Variants in GPN1 observed in about 807,000 individuals in gnomAD.
The protein encoded by GPN1 is GPN-loop GTPase 1.
In GPN1, 44 loss-of-function variants were observed where a neutral mutation model predicts 55.9. The observed-to-expected ratio is 0.79, with a 90% CI of 0.62 to 1.01. The LOEUF is 1.01. Among genes scored for constraint, GPN1 ranks in the 50% least tolerant of loss-of-function variants. The probability of loss-of-function intolerance (pLI) is 0.00; values close to 1 mark genes in which losing one functional copy is unlikely to be tolerated. For synonymous variants in GPN1, 179 were observed against 162.5 expected, an observed-to-expected ratio of 1.10 and a Z score of -0.77; for missense variants, 466 against 462.8, an observed-to-expected ratio of 1.01 and a Z score of -0.06.
chr2:27,638,376 C>A, intron 8 of GPN1, 121 bp downstream of exon 8: 1 of 625,724 alleles, frequency 1.6e-6, no homozygotes, highest in South Asian at 1.9e-5. Context: ...TTTACTGAAA[C>A]AAATTCATAG....
At chr2:27,628,593 C>T (rs60394995), upstream of GPN1, 4,235 of 1,551,564 alleles carry the variant, frequency 2.7e-3, 102 homozygotes, top group African/African-American at 0.051. Flanking sequence ...GGAGACTGCA[C>T]CCTGCTCCAG....
chr2:27,636,259 A>G lies in GPN1; in HGVS notation c.524+1025A>G, dbSNP rs116514454. Among the ~76,000 whole-genome samples, 513 of 152,320 alleles carry G rather than the reference A, an allele frequency of 3.4e-3. 1 individual carries two copies. The highest frequency in any genetic ancestry group is 0.012 in the African/African-American group (488 of 41,574). ...GGTTTGCCCCAAATGTGGCACCATT[A>G]GCAGAGGAAGGGCATGCCTCACTAG... On this transcript the variant is annotated intron_variant, in intron 7 of 13. Transcript: ENST00000610189.
rs2148063014 is a variant in GPN1 at position 27,631,035 on chromosome 2, G to T, written c.214G>T (p.Asp72Tyr). The T allele has an allele frequency of 7.4e-7, 1 of 1,355,000 alleles. No individual in the cohort carries two copies. The highest frequency in any genetic ancestry group is 1.1e-6 in the Non-Finnish European group (1 of 946,262). 83.9% of individuals were successfully genotyped at this position (1,355,000 alleles called of 1,614,324 possible). A position where few individuals can be genotyped will look rare whatever the true frequency, so the allele number is the denominator to read the frequency against. ...VPFPANIDIR[D>Y]TVKYKEVMKQ... The stretch of plus-strand genomic sequence containing the variant: ...CTTTTTTTTCTCCTCAGATATTCGT[G>T]ATACTGTAAAGTATAAAGAAGTAAT... Residue 72 changes from aspartate (D) to tyrosine (Y), a missense_variant, in exon 3 of 14, where the codon GAT (aspartate) becomes TAT (tyrosine). Coordinates refer to ENST00000610189, the MANE Select transcript of GPN1 (RefSeq NM_007266.4).
intron 2 of GPN1, 47 bp from the exon 3 acceptor site, chr2:27,630,980 G>T (rs1384024680): frequency 1.1e-6 from 1 of 889,242 alleles, no homozygotes; most frequent in South Asian, 1.4e-5. Flanking sequence ...TGGTGGTAGG[G>T]AATGTGTATG....
rs767128580 is a variant in GPN1, at chr2:27,642,468, C to T, written c.880C>T (p.Arg294Cys). The T allele has an allele frequency of 1.8e-5, 29 of 1,613,258 alleles. No homozygotes were observed. The highest frequency in any genetic ancestry group is 1.3e-4 in the Admixed American group (8 of 59,976). ...CCAACAGCAGAGAGAACAACTGGAACGCCTTCGAAAAGATATGGGTTCTGT... is the reference window on the plus strand; with the variant it reads ...CCAACAGCAGAGAGAACAACTGGAATGCCTTCGAAAAGATATGGGTTCTGT... ...ESQQQREQLERLRKDMGSVAL... is the reference protein window; with the variant it reads ...ESQQQREQLECLRKDMGSVAL... The change falls in exon 12 of 14, where the codon CGC (arginine) becomes TGC (cysteine). Residue 294 changes from arginine to cysteine, a missense_variant. Transcript: ENST00000610189.
At chr2:27,649,343 G>A (rs1021182287) in intron 13 of GPN1, among the ~76,000 whole-genome samples, 2 of 151,792 alleles carry the variant, frequency 1.3e-5, no homozygotes, top group African/African-American at 4.8e-5. Context: ...TCTTTAGGCT[G>A]GGTTTTACAT....
In GPN1 at chr2:27,650,116, TAC is replaced by T; in HGVS notation, c.1043_1044del (p.Thr348ArgfsTer5). ...AGAATTGCCCTTTTTTCCTTGCAGT[TAC>T]AGAGGAAAGCCATGAAGAGCCAGCA... ...SDTDDIDHRV[T>X]EESHEEPAFQ... is the part of the protein sequence containing the mutation. On this transcript the variant is annotated frameshift_variant and splice_region_variant, in exon 14 of 14. Coordinates refer to ENST00000610189, the MANE Select transcript of GPN1 (RefSeq NM_007266.4). LOFTEE classifies it high-confidence loss of function. 1 of 1,578,530 alleles carries T rather than the reference TAC, an allele frequency of 6.3e-7. No individual in the cohort carries two copies. The highest frequency in any genetic ancestry group is 8.7e-7 in the Non-Finnish European group (1 of 1,147,712).
intron 7 of GPN1, among the ~76,000 whole-genome samples, 200 bp from the exon 8 acceptor site, chr2:27,638,008 CAA>C (rs370370715): frequency 1.5e-4 from 23 of 152,108 alleles, no homozygotes; most frequent in African/African-American, 4.1e-4. Flanking sequence ...TTACTTCAAA[CAA>C]GAGTGAGAGT....
chr2:27,650,274 C>T lies in GPN1; in HGVS notation c.*74C>T. The T allele has an allele frequency of 1.2e-6, 1 of 813,898 alleles. No homozygotes were observed. The highest frequency in any genetic ancestry group is 2.5e-5 in the East Asian group (1 of 39,584). The allele number at this position is 813,898 out of a possible 1,614,324, so 50.4% of individuals were successfully genotyped here. ...CTCCACGTGAAAGAACTGTTCTTAC[C>T]TCTGAACTGGGGGCTCCCATAAGGG... On this transcript the variant is annotated 3_prime_UTR_variant, in exon 14 of 14. Transcript: ENST00000610189.
Position 27,629,099 on chromosome 2 carries a change from G to T in GPN1, c.41G>T (p.Gly14Val), listed in dbSNP as rs1334700040. ...GCTGCCGCTGAGCTCCAGGCTTCTG[G>T]GGGTCCGCGGCACCCAGTGTGTCTG... ...SAAAAELQAS[G>V]GPRHPVCLLV... Residue 14 changes from glycine to valine, a missense_variant, in exon 1 of 14, where the codon GGG becomes GTG. Physicochemically the swap from Gly to Val is moderately radical, Grantham distance 109. Coordinates refer to ENST00000610189, the MANE Select transcript of GPN1 (RefSeq NM_007266.4). The T allele has an allele frequency of 6.2e-7, 1 of 1,614,148 alleles. No homozygotes were observed. Among genetic ancestry groups the T allele is most frequent in the African/African-American group, 1.3e-5 (1 of 74,950 alleles).
chr2:27,635,034 C>A, intron 6 of GPN1, 106 bp from the exon 7 acceptor site: 1 of 947,370 alleles, frequency 1.1e-6, no homozygotes, highest in Non-Finnish European at 1.7e-6. Context: ...AGAAGCTCTG[C>A]ACACCCTGCC....
chr2:27,647,962 G>A lies in GPN1; in HGVS notation c.1039+19G>A. On this transcript the variant is annotated intron_variant, in intron 13 of 13. Coordinates refer to ENST00000610189, the MANE Select transcript of GPN1 (RefSeq NM_007266.4). ...CACAGAGGTGAGAGGTGGCTGAGGTGGCCCGTGGCAACAGAGCATCTGCTT... is the reference window on the plus strand; with the variant it reads ...CACAGAGGTGAGAGGTGGCTGAGGTAGCCCGTGGCAACAGAGCATCTGCTT... 1 of 1,411,346 alleles carries A rather than the reference G, an allele frequency of 7.1e-7. No individual in the cohort carries two copies. 87.4% of individuals were successfully genotyped at this position (1,411,346 alleles called of 1,614,324 possible).
intron 7 of GPN1, among the ~76,000 whole-genome samples, chr2:27,636,828 A>C (rs1464263977): frequency 6.6e-6 from 1 of 152,074 alleles, no homozygotes; most frequent in Admixed American, 6.5e-5. Context: ...TGATAGTGTT[A>C]ATCATTTCTT....
intron 12 of GPN1, among the ~76,000 whole-genome samples, chr2:27,647,022 A>G (rs1396671917): frequency 6.6e-6 from 1 of 152,182 alleles, no homozygotes; most frequent in Non-Finnish European, 1.5e-5. Flanking sequence ...GTTTAAGTAA[A>G]TCATTTGAGG....
chr2:27,633,980 C>G (rs1673641141), intron 5 of GPN1, among the ~76,000 whole-genome samples: 1 of 152,096 alleles, frequency 6.6e-6, no homozygotes, highest in Non-Finnish European at 1.5e-5. Context: ...TTCCCTTTAG[C>G]CCCTAGTGAC....
upstream of GPN1, chr2:27,628,603 G>T (rs1378571501): frequency 6.4e-6 from 10 of 1,551,578 alleles, no homozygotes; most frequent in Non-Finnish European, 6.1e-6. Context: ...CCCTGCTCCA[G>T]TCCCGGCTGG....
chr2:27,640,970 G>A (rs1458332353), intron 10 of GPN1, among the ~76,000 whole-genome samples: 3 of 152,120 alleles, frequency 2.0e-5, no homozygotes, highest in Admixed American at 6.5e-5. Flanking sequence ...CAAATGAATG[G>A]TGAGTTCATC....
chr2:27,641,621 TC>T (rs1673955055), intron 11 of GPN1, among the ~76,000 whole-genome samples: 1 of 152,112 alleles, frequency 6.6e-6, no homozygotes, highest in South Asian at 2.1e-4. Context: ...TGAGAAAGGG[TC>T]TCACTCTGTC....
chr2:27,642,270 G>A (rs1009064897), intron 11 of GPN1, 159 bp from the exon 12 acceptor site: 10 of 579,824 alleles, frequency 1.7e-5, no homozygotes, highest in African/African-American at 3.8e-5. Flanking sequence ...CCAGGCCCAC[G>A]CTACTTAGTG....
Sources: gnomAD v4.1 joint callset for allele counts (sites outside exome capture counted in the v4.1 genomes callset) on GRCh38, gnomAD v4.1.1 for gene constraint, MANE v1.5 for transcripts, NCBI Gene and HGNC (gene_info 2026-07-23, HGNC 2026-07-21) for gene names.